SLC35D4: variants seen among roughly 807,000 people sequenced by gnomAD.
The protein encoded by SLC35D4 is solute carrier family 35 member D4, also known as UDP-N-acetylglucosamine transporter SLC35D4.
the SLC35D4 span, among the ~76,000 whole-genome samples, chr18:23,331,882 T>C: frequency 9.9e-6 from 1 of 101,154 alleles, no homozygotes; most frequent in East Asian, 2.5e-4. Flanking sequence ...CTTGAACATG[T>C]CTTTTTTTTT....
chr18:23,304,097 C>T, the SLC35D4 span, among the ~76,000 whole-genome samples: 42 of 149,552 alleles, frequency 2.8e-4, no homozygotes, highest in Non-Finnish European at 4.4e-4. Context: ...GGTGAAACCT[C>T]GTCTCTATTA....
the SLC35D4 span, among the ~76,000 whole-genome samples, chr18:23,275,592 G>GGTGC: frequency 2.8e-5 from 4 of 142,936 alleles, no homozygotes; most frequent in South Asian, 6.9e-4. Flanking sequence ...GGGTCAGAAA[G>GGTGC]AGTGCTGTGC....
the SLC35D4 span, among the ~76,000 whole-genome samples, chr18:23,395,319 G>A: frequency 2.6e-4 from 39 of 152,262 alleles, no homozygotes; most frequent in Non-Finnish European, 5.4e-4. Context: ...GCTTAACTGA[G>A]TAACTCACTC....
At chr18:23,398,015 T>C in the SLC35D4 span, among the ~76,000 whole-genome samples, 1 of 152,204 alleles carries the variant, frequency 6.6e-6, no homozygotes, top group South Asian at 2.1e-4. Context: ...TGGGCTGTGA[T>C]TGTGCCACTG....
the SLC35D4 span, among the ~76,000 whole-genome samples, chr18:23,317,470 T>G: frequency 6.6e-6 from 1 of 152,210 alleles, no homozygotes; most frequent in Non-Finnish European, 1.5e-5. Flanking sequence ...TGCACCATTT[T>G]ACATTTCCAC....
the SLC35D4 span, among the ~76,000 whole-genome samples, chr18:23,289,068 G>A: frequency 0.51 from 77,463 of 151,906 alleles, 20,048 homozygotes; most frequent in Admixed American, 0.59. Context: ...AACTTAGACT[G>A]TGCCCCAAAA....
the SLC35D4 span, among the ~76,000 whole-genome samples, chr18:23,394,116 T>A: frequency 6.6e-6 from 1 of 152,214 alleles, no homozygotes; most frequent in African/African-American, 2.4e-5. Context: ...ACTTTTGATG[T>A]TTTGAAGAAG....
the SLC35D4 span, among the ~76,000 whole-genome samples, chr18:23,417,134 TG>T: frequency 2.6e-5 from 4 of 151,784 alleles, no homozygotes; most frequent in East Asian, 7.8e-4. Context: ...CCCAGTCACT[TG>T]GGAAACTGAG....
chr18:23,285,802 C>G, the SLC35D4 span, among the ~76,000 whole-genome samples: 1 of 152,180 alleles, frequency 6.6e-6, no homozygotes, highest in Non-Finnish European at 1.5e-5. Flanking sequence ...GTCCGGCTTA[C>G]GGTTTCATTC....
At chr18:23,303,775 C>T in the SLC35D4 span, among the ~76,000 whole-genome samples, 15 of 151,992 alleles carry the variant, frequency 9.9e-5, no homozygotes, top group Middle Eastern at 3.4e-3. Flanking sequence ...GTGGCGTGTG[C>T]CTGTAATCCC....
the SLC35D4 span, among the ~76,000 whole-genome samples, chr18:23,391,245 GAAAGA>G: frequency 1.7e-3 from 257 of 151,360 alleles, 1 homozygote; most frequent in South Asian, 0.01. Flanking sequence ...AGAAAGAAAA[GAAAGA>G]AAAGAAAAGA....
the SLC35D4 span, among the ~76,000 whole-genome samples, chr18:23,410,809 GA>G: frequency 6.6e-6 from 1 of 152,034 alleles, no homozygotes; most frequent in Non-Finnish European, 1.5e-5. Context: ...AAAACAAAAA[GA>G]AAAAAGTTCA....
At chr18:23,425,721 C>G in the SLC35D4 span, among the ~76,000 whole-genome samples, 7 of 152,178 alleles carry the variant, frequency 4.6e-5, no homozygotes, top group Admixed American at 4.6e-4. Flanking sequence ...CACCATTGTA[C>G]AGTCAAACAA....
chr18:23,421,436 G>A, the SLC35D4 span: 6,653 of 1,613,872 alleles, frequency 4.1e-3, 245 homozygotes, highest in African/African-American at 0.078. Flanking sequence ...ACCAATGAGC[G>A]TCTGCCACCT....
At chr18:23,328,242 T>C in the SLC35D4 span, among the ~76,000 whole-genome samples, 40 of 152,216 alleles carry the variant, frequency 2.6e-4, 1 homozygote, top group South Asian at 5.8e-3. Flanking sequence ...GGTATTCAAT[T>C]AGGAAAAGAG....
chr18:23,250,130 C>T, the SLC35D4 span, among the ~76,000 whole-genome samples: 2 of 152,204 alleles, frequency 1.3e-5, no homozygotes, highest in Non-Finnish European at 2.9e-5. Flanking sequence ...GATCCAGTCC[C>T]CTCCCACAGG....
chr18:23,340,145 C>A, the SLC35D4 span, among the ~76,000 whole-genome samples: 1 of 152,034 alleles, frequency 6.6e-6, no homozygotes, highest in African/African-American at 2.4e-5. Flanking sequence ...GAATCTAGTG[C>A]TTGGGCAACA....
At chr18:23,310,507 T>A in the SLC35D4 span, among the ~76,000 whole-genome samples, 1 of 152,116 alleles carries the variant, frequency 6.6e-6, no homozygotes, top group Admixed American at 6.6e-5. Flanking sequence ...TAAGGAAAGA[T>A]GTTTCTGGCT....
At chr18:23,303,638 C>T in the SLC35D4 span, among the ~76,000 whole-genome samples, 4 of 152,366 alleles carry the variant, frequency 2.6e-5, no homozygotes, top group East Asian at 3.9e-4. Context: ...CAGTGGCTCA[C>T]GCCTGTAATC....
Sources: allele counts gnomAD v4.1 joint callset (sites outside exome capture counted in the v4.1 genomes callset), GRCh38; gene constraint gnomAD v4.1.1; transcripts MANE v1.5; gene names NCBI Gene and HGNC (gene_info 2026-07-23, HGNC 2026-07-21).